The following CFAP20DC variants were observed in gnomAD, a reference collection of about 807,000 sequenced individuals.
CFAP20DC encodes protein CFAP20DC.
CFAP20DC carries 84 observed loss-of-function variants against 101.7 expected under a neutral mutation model. That is an observed-to-expected ratio of 0.83 (90% CI 0.69 to 0.99). The LOEUF (loss-of-function observed/expected upper bound fraction) is 0.99, where lower values mean the gene tolerates loss of function less well. CFAP20DC is among the 50% of genes least tolerant of loss of function. CFAP20DC has a pLI of 0.00. For synonymous variants in CFAP20DC, 359 were observed against 351.2 expected, an observed-to-expected ratio of 1.02 and a Z score of -0.25; for missense variants, 1,007 against 970.3, an observed-to-expected ratio of 1.04 and a Z score of -0.50.
intron 4 of CFAP20DC, among the ~76,000 whole-genome samples, chr3:58,982,243 C>A (rs539667284): frequency 2.5e-3 from 378 of 152,264 alleles, no homozygotes; most frequent in Non-Finnish European, 3.3e-3. Flanking sequence ...AATAGGAACA[C>A]TTTTACACTG....
intron 4 of CFAP20DC, among the ~76,000 whole-genome samples, chr3:58,982,221 A>G (rs1576585801): frequency 6.6e-6 from 1 of 152,216 alleles, no homozygotes; most frequent in Admixed American, 6.5e-5. Flanking sequence ...GGTGCTGGAG[A>G]GGATGTGGAG....
chr3:58,846,169 T>G (rs1255402768), intron 13 of CFAP20DC, among the ~76,000 whole-genome samples: 1 of 144,920 alleles, frequency 6.9e-6, no homozygotes, highest in Non-Finnish European at 1.5e-5. Flanking sequence ...GCCAGGGCAA[T>G]GAGGCAGGAG....
At chr3:59,034,867 C>T (rs148261819) in intron 4 of CFAP20DC, among the ~76,000 whole-genome samples, 1 of 152,270 alleles carries the variant, frequency 6.6e-6, no homozygotes, top group East Asian at 1.9e-4. Context: ...ACAGAACTCG[C>T]CACCCCAAAT....
intron 4 of CFAP20DC, among the ~76,000 whole-genome samples, chr3:59,005,984 T>C (rs2093424073): frequency 6.6e-6 from 1 of 152,134 alleles, no homozygotes; most frequent in African/African-American, 2.4e-5. Flanking sequence ...TTATAGTAAT[T>C]TGGGCATATA....
chr3:58,813,955 A>C (rs753972215), intron 14 of CFAP20DC, among the ~76,000 whole-genome samples: 13 of 151,900 alleles, frequency 8.6e-5, no homozygotes, highest in Non-Finnish European at 1.8e-4. Context: ...TTTAGGCTTT[A>C]TTATTTCACA....
At chr3:58,941,008 C>T (rs1016618834) in intron 4 of CFAP20DC, among the ~76,000 whole-genome samples, 3 of 152,106 alleles carry the variant, frequency 2.0e-5, no homozygotes, top group African/African-American at 4.8e-5. Flanking sequence ...ATTTTGTCTT[C>T]TGACACAATT....
chr3:58,945,454 T>C (rs1183789889), intron 4 of CFAP20DC, among the ~76,000 whole-genome samples: 4 of 152,048 alleles, frequency 2.6e-5, no homozygotes, highest in African/African-American at 7.3e-5. Context: ...TTCCTTTTGA[T>C]AGGTAAAAAA....
chr3:58,825,430 G>A (rs1357222342), intron 14 of CFAP20DC, among the ~76,000 whole-genome samples: 3 of 151,948 alleles, frequency 2.0e-5, no homozygotes, highest in African/African-American at 7.3e-5. Context: ...TCCATAAATG[G>A]CAGAGCTGGA....
intron 15 of CFAP20DC, among the ~76,000 whole-genome samples, chr3:58,759,243 G>C (rs575584645): frequency 1.3e-5 from 2 of 152,346 alleles, no homozygotes; most frequent in Non-Finnish European, 2.9e-5. Context: ...ACTGGTGTGA[G>C]ATGGTATCTC....
chr3:58,888,024 T>C (rs1015326690), intron 6 of CFAP20DC, among the ~76,000 whole-genome samples: 2 of 152,234 alleles, frequency 1.3e-5, no homozygotes, highest in African/African-American at 4.8e-5. Context: ...AGCTGGATGT[T>C]CTCTAGCACT....
intron 7 of CFAP20DC, among the ~76,000 whole-genome samples, chr3:58,878,804 G>A (rs1383687451): frequency 1.3e-5 from 2 of 152,124 alleles, no homozygotes; most frequent in East Asian, 1.9e-4. Flanking sequence ...AAGGTCAGGA[G>A]ATCGAGACCA....
chr3:59,019,334 T>C (rs2093755429), intron 4 of CFAP20DC, among the ~76,000 whole-genome samples: 1 of 152,032 alleles, frequency 6.6e-6, no homozygotes, highest in African/African-American at 2.4e-5. Flanking sequence ...CAGACTACAT[T>C]TCCTAGCCCG....
At chr3:58,809,315 C>T (rs1227206787) in intron 14 of CFAP20DC, among the ~76,000 whole-genome samples, 1 of 152,108 alleles carries the variant, frequency 6.6e-6, no homozygotes, top group Non-Finnish European at 1.5e-5. Flanking sequence ...AAGCTCTCCT[C>T]AGCAAATGTA....
chr3:58,922,840 A>G (rs2085536448), intron 5 of CFAP20DC, among the ~76,000 whole-genome samples: 1 of 152,020 alleles, frequency 6.6e-6, no homozygotes, highest in Non-Finnish European at 1.5e-5. Flanking sequence ...AGGGTTTGCA[A>G]TGTGGATCTT....
chr3:58,786,813 C>T (rs1219005826), intron 15 of CFAP20DC, among the ~76,000 whole-genome samples: 1 of 150,636 alleles, frequency 6.6e-6, no homozygotes, highest in Non-Finnish European at 1.5e-5. Flanking sequence ...TTGCTAAGAT[C>T]TATGGTAAGA....
At chr3:58,798,452 T>G (rs926789701) in intron 15 of CFAP20DC, among the ~76,000 whole-genome samples, 18 of 152,212 alleles carry the variant, frequency 1.2e-4, no homozygotes, top group African/African-American at 4.3e-4. Flanking sequence ...CCTGAATAGA[T>G]GAGGAACTGC....
chr3:58,860,175 C>CAA (rs10575757), intron 12 of CFAP20DC, among the ~76,000 whole-genome samples: 4 of 78,176 alleles, frequency 5.1e-5, no homozygotes, highest in Admixed American at 1.5e-4. Flanking sequence ...AACTCCATCT[C>CAA]AAAAAAAAAA....
intron 13 of CFAP20DC, among the ~76,000 whole-genome samples, chr3:58,846,709 C>T (rs1431343222): frequency 1.3e-5 from 2 of 151,056 alleles, no homozygotes; most frequent in African/African-American, 4.9e-5. Flanking sequence ...ATCGCCAAGT[C>T]AATCCTAAGC....
At chr3:58,763,210 C>T (rs1308558592) in intron 15 of CFAP20DC, among the ~76,000 whole-genome samples, 1 of 152,200 alleles carries the variant, frequency 6.6e-6, no homozygotes, top group Non-Finnish European at 1.5e-5. Context: ...CACATAGTCC[C>T]ATATTTCTTG....
Sources: allele counts gnomAD v4.1 joint callset (sites outside exome capture counted in the v4.1 genomes callset), GRCh38; gene constraint gnomAD v4.1.1; transcripts MANE v1.5; gene names NCBI Gene and HGNC (gene_info 2026-07-23, HGNC 2026-07-21).